Variants in LARGE1 observed in about 807,000 individuals in gnomAD.
LARGE1 encodes xylosyl- and glucuronyltransferase LARGE1.
LARGE1 carries 43 observed loss-of-function variants against 87.6 expected under a neutral mutation model. That is an observed-to-expected ratio of 0.49 (90% confidence interval 0.38 to 0.63). The LOEUF is 0.63. Among genes scored for constraint, LARGE1 ranks in the 30% least tolerant of loss-of-function variants. The probability of loss-of-function intolerance (pLI) is 0.00; values close to 1 mark genes in which losing one functional copy is unlikely to be tolerated. For missense variants in LARGE1, 802 were observed against 1,000.2 expected, an observed-to-expected ratio of 0.80 and a Z score of 2.67; for synonymous variants, 434 against 394.6, an observed-to-expected ratio of 1.10 and a Z score of -1.18.
chr22:33,207,616 T>C (rs1455383391), intron 11 of LARGE1, among the ~76,000 whole-genome samples: 1 of 152,204 alleles, frequency 6.6e-6, no homozygotes, highest in Non-Finnish European at 1.5e-5. Flanking sequence ...TGAAAACTCA[T>C]GATCCTCACC....
the LARGE1 span, among the ~76,000 whole-genome samples, chr22:33,138,590 T>G: frequency 6.6e-6 from 1 of 152,152 alleles, no homozygotes; most frequent in Admixed American, 6.5e-5. Context: ...ATTACAGGCA[T>G]GTGCCACCAC....
At chr22:33,882,829 CA>C (rs1345220826) in intron 1 of LARGE1, among the ~76,000 whole-genome samples, 1 of 152,078 alleles carries the variant, frequency 6.6e-6, no homozygotes, top group Non-Finnish European at 1.5e-5. Flanking sequence ...ACTTGAACTC[CA>C]AGAGCCCCAA....
intron 3 of LARGE1, among the ~76,000 whole-genome samples, chr22:33,636,413 G>A (rs1222365243): frequency 6.6e-6 from 1 of 152,118 alleles, no homozygotes; most frequent in East Asian, 1.9e-4. Context: ...TTTAGAATGT[G>A]CCTTCATTCT....
chr22:33,776,874 A>G (rs1456627029), intron 1 of LARGE1, among the ~76,000 whole-genome samples: 1 of 152,158 alleles, frequency 6.6e-6, no homozygotes, highest in Non-Finnish European at 1.5e-5. Flanking sequence ...GCCATTCACT[A>G]CAGTCCACAA....
intron 6 of LARGE1, among the ~76,000 whole-genome samples, chr22:33,499,950 T>C (rs1449938345): frequency 6.6e-6 from 1 of 152,114 alleles, no homozygotes; most frequent in Non-Finnish European, 1.5e-5. Context: ...CATTTTGTAT[T>C]TTTAGTAGAG....
At chr22:33,445,968 C>T (rs1224254923) in intron 6 of LARGE1, among the ~76,000 whole-genome samples, 1 of 152,166 alleles carries the variant, frequency 6.6e-6, no homozygotes, top group African/African-American at 2.4e-5. Context: ...GCCACTCTTA[C>T]TAGGCCCCTA....
chr22:33,848,023 T>C (rs777770300), intron 1 of LARGE1, among the ~76,000 whole-genome samples: 1 of 152,170 alleles, frequency 6.6e-6, no homozygotes, highest in African/African-American at 2.4e-5. Flanking sequence ...AAATGATCAA[T>C]GTCACCATTT....
At chr22:33,600,401 A>T (rs1294918213) in intron 5 of LARGE1, among the ~76,000 whole-genome samples, 1 of 152,194 alleles carries the variant, frequency 6.6e-6, no homozygotes, top group East Asian at 1.9e-4. Flanking sequence ...TAGGAGATAG[A>T]CATCTATTAG....
chr22:33,399,278 T>C (rs2065858925), intron 7 of LARGE1, among the ~76,000 whole-genome samples: 1 of 152,198 alleles, frequency 6.6e-6, no homozygotes, highest in Non-Finnish European at 1.5e-5. Context: ...TAATATTGGC[T>C]TCCAGCTTCA....
chr22:33,740,690 G>A (rs997418499), intron 2 of LARGE1, among the ~76,000 whole-genome samples: 5 of 152,164 alleles, frequency 3.3e-5, no homozygotes, highest in Admixed American at 2.0e-4. Flanking sequence ...CCACCTAGGG[G>A]AAACCTCCAC....
intron 1 of LARGE1, among the ~76,000 whole-genome samples, chr22:33,764,367 C>G (rs1192853581): frequency 6.6e-6 from 1 of 152,190 alleles, no homozygotes; most frequent in African/African-American, 2.4e-5. Context: ...ACAGATGGCT[C>G]AAGTCCCTCA....
chr22:33,471,230 AG>A (rs2068829517), intron 6 of LARGE1, among the ~76,000 whole-genome samples: 1 of 151,744 alleles, frequency 6.6e-6, no homozygotes, highest in African/African-American at 2.4e-5. Context: ...TTTTTAGCAG[AG>A]ATTTTTAGCA....
At chr22:33,086,421 C>T in the LARGE1 span, among the ~76,000 whole-genome samples, 2 of 152,002 alleles carry the variant, frequency 1.3e-5, no homozygotes, top group Non-Finnish European at 2.9e-5. Context: ...CTATTATTCT[C>T]AACTCATTTA....
At chr22:33,602,317 GA>G (rs1229739345) in intron 5 of LARGE1, among the ~76,000 whole-genome samples, 2 of 150,894 alleles carry the variant, frequency 1.3e-5, no homozygotes, top group Non-Finnish European at 3.0e-5. Flanking sequence ...CTTTTTTGAG[GA>G]AAAAAAATGA....
At chr22:33,837,366 A>G (rs1370136627) in intron 1 of LARGE1, among the ~76,000 whole-genome samples, 2 of 152,038 alleles carry the variant, frequency 1.3e-5, no homozygotes, top group Non-Finnish European at 2.9e-5. Context: ...ATGTGTTTAT[A>G]TATACATGTG....
intron 6 of LARGE1, among the ~76,000 whole-genome samples, chr22:33,515,536 TAGAC>T (rs1333623184): frequency 1.3e-5 from 2 of 152,158 alleles, no homozygotes; most frequent in Non-Finnish European, 1.5e-5. Flanking sequence ...GAGCAGAAAA[TAGAC>T]AGCCAGGACG....
intron 1 of LARGE1, among the ~76,000 whole-genome samples, chr22:33,769,197 G>A (rs183486735): frequency 3.0e-4 from 46 of 152,200 alleles, no homozygotes; most frequent in East Asian, 1.9e-4. Flanking sequence ...TGATGTGCCC[G>A]ACTTTTCATC....
At chr22:33,620,687 C>T (rs1203209602) in intron 4 of LARGE1, among the ~76,000 whole-genome samples, 6 of 152,052 alleles carry the variant, frequency 3.9e-5, no homozygotes, top group East Asian at 1.9e-4. Context: ...TTTGGGAAGC[C>T]GAGGCAGGTG....
chr22:33,644,384 A>G (rs983209358), intron 3 of LARGE1, among the ~76,000 whole-genome samples: 2 of 152,230 alleles, frequency 1.3e-5, no homozygotes, highest in Non-Finnish European at 2.9e-5. Context: ...AAAACACTCA[A>G]TAAACTAGGT....
Sources: gnomAD v4.1 joint callset for allele counts (sites outside exome capture counted in the v4.1 genomes callset) on GRCh38, gnomAD v4.1.1 for gene constraint, MANE v1.5 for transcripts, NCBI Gene and HGNC (gene_info 2026-07-23, HGNC 2026-07-21) for gene names.